The following LGMN variants were observed in gnomAD, a reference collection of about 807,000 sequenced individuals.
LGMN encodes the protein legumain, also known as asparaginyl endopeptidase.
A neutral mutation model predicts 56.8 loss-of-function variants in LGMN; 36 were observed. The observed-to-expected ratio is 0.63, with a 90% CI of 0.49 to 0.84. The LOEUF (loss-of-function observed/expected upper bound fraction) is 0.84. Ranked by LOEUF, LGMN falls within the 40% of genes least tolerant of loss-of-function variation. LGMN has a pLI of 0.00. For missense variants in LGMN, 446 were observed against 556.1 expected (o/e 0.80, Z 1.99); for synonymous variants, 199 against 210.1 (o/e 0.95, Z 0.46).
intron 1 of LGMN, among the ~76,000 whole-genome samples, chr14:92,748,170 C>A (rs1354991823): frequency 6.6e-6 from 1 of 152,102 alleles, no homozygotes; most frequent in Non-Finnish European, 1.5e-5. Flanking sequence ...CCCTTGGCTG[C>A]GGGATCTCAG....
intron 1 of LGMN, among the ~76,000 whole-genome samples, chr14:92,737,506 G>T (rs1891359509): frequency 6.6e-6 from 1 of 152,192 alleles, no homozygotes; most frequent in South Asian, 2.1e-4. Context: ...GATGCCAGCA[G>T]TCACCAGCTC....
chr14:92,726,928 G>A (rs1890770362), intron 2 of LGMN, among the ~76,000 whole-genome samples: 1 of 152,186 alleles, frequency 6.6e-6, no homozygotes, highest in African/African-American at 2.4e-5. Flanking sequence ...ATTCTGGCCA[G>A]GAAGACTCGG....
intron 1 of LGMN, among the ~76,000 whole-genome samples, chr14:92,742,532 C>T (rs1348365513): frequency 6.6e-6 from 1 of 152,066 alleles, no homozygotes; most frequent in Admixed American, 6.6e-5. Context: ...AGTGATGCAC[C>T]TGCCTTAGCC....
rs552404153 is a variant in LGMN at position 92,731,978 on chromosome 14, G to A, written c.138+671C>T. On this transcript the variant is annotated intron_variant, in intron 2 of 13. Coordinates refer to ENST00000334869, the MANE Select transcript of LGMN (RefSeq NM_005606.7). ...TTCTTCTTCTCTCTACCTTCTGGTA[G>A]GCTGATGTGGGGAAATCCAGGAAAG... is the stretch of plus-strand genomic sequence containing the variant. 3.3e-5 allele frequency among the ~76,000 whole-genome samples: 5 copies of A among 152,146 alleles called. No individual in the cohort carries two copies. In the South Asian group the frequency reaches 1.0e-3, roughly 31 times the overall value.
intron 1 of LGMN, among the ~76,000 whole-genome samples, chr14:92,744,390 C>A (rs1891721046): frequency 6.6e-6 from 1 of 152,122 alleles, no homozygotes; most frequent in African/African-American, 2.4e-5. Context: ...AATGTAGGTT[C>A]ATTTGACTTC....
In LGMN at chr14:92,714,979, T is replaced by C. The variant is rs1297941708; in HGVS notation, c.405-528A>G. Among the ~76,000 whole-genome samples the C allele has an allele frequency of 1.3e-5, 2 of 150,484 alleles. No homozygotes were observed. Among genetic ancestry groups the C allele is most frequent in the Admixed American group, 1.3e-4 (2 of 15,116 alleles). ...CCAATTTGGTTCACCCTCACAGATG[T>C]CCATCTCCATACTAATTTTTTTTTT... On this transcript the variant is annotated intron_variant, in intron 5 of 13. Transcript: ENST00000334869. The surrounding 1 kb of genome is among the most constrained non-coding windows in gnomAD (Gnocchi z 5.1).
chr14:92,726,840 G>C (rs1890765619), intron 2 of LGMN, among the ~76,000 whole-genome samples: 1 of 152,140 alleles, frequency 6.6e-6, no homozygotes, highest in Non-Finnish European at 1.5e-5. Context: ...AAGTGGTCAG[G>C]AGCTTCCCTG....
chr14:92,724,350 T>C (rs1162492177), intron 2 of LGMN, among the ~76,000 whole-genome samples: 2 of 152,210 alleles, frequency 1.3e-5, no homozygotes, highest in African/African-American at 4.8e-5. Context: ...TTATGCCCCA[T>C]CTTCCACACT....
intron 1 of LGMN, among the ~76,000 whole-genome samples, chr14:92,745,026 A>G (rs1340928178): frequency 6.6e-6 from 1 of 152,210 alleles, no homozygotes; most frequent in African/African-American, 2.4e-5. Flanking sequence ...CGGTGGGCAC[A>G]GTGTCTCCTG....
At chr14:92,728,166 G>A (rs1046428256) in intron 2 of LGMN, among the ~76,000 whole-genome samples, 2 of 152,218 alleles carry the variant, frequency 1.3e-5, no homozygotes, top group Non-Finnish European at 2.9e-5. Context: ...CCAGGGACTG[G>A]TTTTGTGGAA....
rs1396062539 is a variant in LGMN, at chr14:92,732,685, C to T, written c.102G>A (p.Val34=). ...EDGGKHWVVI[V]AGSNGWYNYR... ...AATTATACCAGCCATTTGAACCTGC[C>T]ACGATCACCACCCAGTGCTTGCCTC... Residue 34 remains valine (V), a synonymous_variant, in exon 2 of 14, where the codon GTG becomes GTA. Transcript: ENST00000334869. 1 of 1,614,148 alleles carries T rather than the reference C, an allele frequency of 6.2e-7. No homozygotes were observed.
intron 2 of LGMN, among the ~76,000 whole-genome samples, chr14:92,719,266 G>GCCACCA (rs1566924269): frequency 2.0e-4 from 2 of 9,908 alleles, no homozygotes; most frequent in South Asian, 5.0e-3. Flanking sequence ...CACCGCCACC[G>GCCACCA]CCGCCGCCGC....
rs1402228526 is a variant in LGMN at position 92,711,974 on chromosome 14, G to A, written c.611-19C>T. On this transcript the variant is annotated intron_variant, in intron 8 of 13. Transcript: ENST00000334869. ...GCATAAACTACGAGGAATTAAAGAT[G>A]ATCTTTTAGTTGCATTTTATTCCTG... is the stretch of plus-strand genomic sequence containing the variant. The A allele has an allele frequency of 1.3e-6, 2 of 1,549,400 alleles. No individual in the cohort carries two copies. The highest frequency in any genetic ancestry group is 1.7e-5 in the Admixed American group (1 of 59,700).
intron 1 of LGMN, among the ~76,000 whole-genome samples, chr14:92,738,235 C>T (rs1190068704): frequency 3.3e-5 from 5 of 151,762 alleles, no homozygotes; most frequent in African/African-American, 4.8e-5. Flanking sequence ...TTCTAATCCT[C>T]TGTGAGAAAA....
chr14:92,732,578 A>G, intron 2 of LGMN, 71 bp downstream of exon 2: 2 of 1,536,980 alleles, frequency 1.3e-6, no homozygotes, highest in South Asian at 2.4e-5. Flanking sequence ...TCTATTTAAT[A>G]TTAACAGTGT....
intron 2 of LGMN, among the ~76,000 whole-genome samples, chr14:92,719,115 C>A (rs1400189252): frequency 2.0e-5 from 3 of 151,290 alleles, no homozygotes; most frequent in African/African-American, 7.3e-5. Context: ...CACATACACA[C>A]CCCACCACCA....
intron 12 of LGMN, among the ~76,000 whole-genome samples, chr14:92,705,841 T>C (rs1889402198): frequency 6.6e-6 from 1 of 152,152 alleles, no homozygotes. Flanking sequence ...TTGGCCAGGC[T>C]GGTCTGGAAC....
At chr14:92,738,705 G>A (rs534887883) in intron 1 of LGMN, among the ~76,000 whole-genome samples, 9 of 151,904 alleles carry the variant, frequency 5.9e-5, no homozygotes, top group East Asian at 5.8e-4. Context: ...TTACGTTGCC[G>A]AATAGAAAAT....
At chr14:92,744,820 C>T (rs1247505016) in intron 1 of LGMN, among the ~76,000 whole-genome samples, 1 of 152,172 alleles carries the variant, frequency 6.6e-6, no homozygotes, top group Non-Finnish European at 1.5e-5. Context: ...TCTTGAACTC[C>T]TGACCTCAGG....
Sources: allele counts gnomAD v4.1 joint callset (sites outside exome capture counted in the v4.1 genomes callset), GRCh38; gene constraint gnomAD v4.1.1; non-coding constraint Gnocchi (gnomAD v3.1); transcripts MANE v1.5; gene names NCBI Gene and HGNC (gene_info 2026-07-23, HGNC 2026-07-21).